EYA2: variants seen among roughly 807,000 people sequenced by gnomAD.
EYA2 encodes the protein EYA transcriptional coactivator and phosphatase 2.
Under a neutral mutation model 69.2 loss-of-function variants are expected in EYA2, and 31 were observed. That is an observed-to-expected ratio of 0.45 (90% CI 0.34 to 0.60). The LOEUF (loss-of-function observed/expected upper bound fraction) is 0.60. Among genes scored for constraint, EYA2 ranks in the 20% least tolerant of loss-of-function variants. EYA2 has a pLI of 0.02. For missense variants in EYA2, 622 were observed against 701.2 expected, an observed-to-expected ratio of 0.89 and a Z score of 1.28; for synonymous variants, 257 against 279.4, an observed-to-expected ratio of 0.92 and a Z score of 0.80.
At chr20:46,991,967 T>TAA (rs1981691017) in intron 2 of EYA2, among the ~76,000 whole-genome samples, 2 of 8,202 alleles carry the variant, frequency 2.4e-4, no homozygotes, top group Admixed American at 1.1e-3. Context: ...AGACTCCGTC[T>TAA]CAAAAAAAAA....
intron 1 of EYA2, among the ~76,000 whole-genome samples, chr20:46,988,966 A>G (rs1423822599): frequency 6.6e-6 from 1 of 151,986 alleles, no homozygotes; most frequent in African/African-American, 2.4e-5. Flanking sequence ...TCAGCCTCCC[A>G]AAGTGCTGGA....
In EYA2 at chr20:47,067,370, T is replaced by C. The variant is rs141102805; in HGVS notation, c.416-4815T>C. Reference sequence around the variant, plus strand: ...CTGCTAAATGTGTCTGGGCAGGACATTGAGGATAGAGTGGGATTTTGTTGA... The same window carrying C: ...CTGCTAAATGTGTCTGGGCAGGACACTGAGGATAGAGTGGGATTTTGTTGA... On this transcript the variant is annotated intron_variant, in intron 5 of 15. Coordinates refer to ENST00000327619, the MANE Select transcript of EYA2 (RefSeq NM_005244.5). Among the ~76,000 whole-genome samples the C allele has an allele frequency of 3.0e-3, 454 of 152,186 alleles. 1 individual carries two copies. Among genetic ancestry groups the C allele is most frequent in the African/African-American group, 0.01 (427 of 41,530 alleles).
intron 1 of EYA2, among the ~76,000 whole-genome samples, chr20:46,918,095 C>T (rs961952685): frequency 6.6e-6 from 1 of 151,972 alleles, no homozygotes; most frequent in South Asian, 2.1e-4. Flanking sequence ...CCGAGGTGGG[C>T]GGATCCTGAG....
chr20:47,059,185 C>T lies in EYA2; in HGVS notation c.416-13000C>T, dbSNP rs149028718. On this transcript the variant is annotated intron_variant, in intron 5 of 15. Transcript: ENST00000327619. ...TGCAGGATGGTGAGCGGGGAGGGAC[C>T]GGCTTCTGAGGCTGTCCACATAGTT... is the stretch of plus-strand genomic sequence containing the variant. Among the ~76,000 whole-genome samples the T allele has an allele frequency of 3.8e-3, 578 of 152,216 alleles. 4 individuals are homozygous for T. Among genetic ancestry groups the T allele is most frequent in the Non-Finnish European group, 5.7e-3 (389 of 68,016 alleles).
At chr20:47,011,456 A>T (rs773706969) in intron 4 of EYA2, among the ~76,000 whole-genome samples, 2 of 152,060 alleles carry the variant, frequency 1.3e-5, no homozygotes, top group African/African-American at 2.4e-5. Flanking sequence ...CCACTGCAGT[A>T]TCTTTGCCCT....
intron 9 of EYA2, among the ~76,000 whole-genome samples, chr20:47,141,422 A>C (rs1340008733): frequency 6.6e-6 from 1 of 152,184 alleles, no homozygotes; most frequent in Non-Finnish European, 1.5e-5. Flanking sequence ...ATTGGTCTGG[A>C]GAGCAGCCTG....
intron 5 of EYA2, among the ~76,000 whole-genome samples, chr20:47,038,498 T>G (rs1984842603): frequency 6.6e-6 from 1 of 151,998 alleles, no homozygotes; most frequent in South Asian, 2.1e-4. Context: ...CTCAAATAAA[T>G]AAAAATATAA....
chr20:47,144,733 A>G (rs1271360610), intron 10 of EYA2, among the ~76,000 whole-genome samples: 1 of 152,246 alleles, frequency 6.6e-6, no homozygotes, highest in African/African-American at 2.4e-5. Context: ...GAGCAGAACT[A>G]GGTAGAAACT....
intron 5 of EYA2, among the ~76,000 whole-genome samples, chr20:47,062,520 G>C (rs573312457): frequency 7.2e-4 from 109 of 152,268 alleles, no homozygotes; most frequent in African/African-American, 2.5e-3. Flanking sequence ...AAACATGTTC[G>C]CTTCCCAAGG....
At chr20:47,064,106 T>C (rs2031016061) in intron 5 of EYA2, among the ~76,000 whole-genome samples, 1 of 152,124 alleles carries the variant, frequency 6.6e-6, no homozygotes, top group South Asian at 2.1e-4. Flanking sequence ...CAAGCATGCA[T>C]CACCATGCCC....
chr20:46,953,597 C>T (rs529428469), intron 1 of EYA2, among the ~76,000 whole-genome samples: 8 of 152,114 alleles, frequency 5.3e-5, no homozygotes, highest in East Asian at 1.9e-4. Flanking sequence ...TTCCTTATGG[C>T]GCTGTCCTGT....
chr20:46,978,483 G>C, intron 1 of EYA2: 1 of 485,436 alleles, frequency 2.1e-6, no homozygotes, highest in East Asian at 6.1e-5. Flanking sequence ...ATGTACAAAG[G>C]CCCTGTGGCA....
intron 5 of EYA2, among the ~76,000 whole-genome samples, chr20:47,061,735 C>G (rs1013470531): frequency 2.1e-4 from 32 of 152,206 alleles, no homozygotes; most frequent in African/African-American, 6.8e-4. Context: ...TGATCCTACG[C>G]TCATCTCATT....
At chr20:47,062,422 G>A (rs1325279730) in intron 5 of EYA2, among the ~76,000 whole-genome samples, 3 of 152,150 alleles carry the variant, frequency 2.0e-5, no homozygotes, top group Non-Finnish European at 4.4e-5. Context: ...CCCCGGTATC[G>A]CAGGCAGGCG....
At chr20:47,110,964 G>T (rs2032733020) in intron 9 of EYA2, among the ~76,000 whole-genome samples, 1 of 152,224 alleles carries the variant, frequency 6.6e-6, no homozygotes. Context: ...TTCAGACATT[G>T]CATCCATCCC....
At chr20:47,034,310 T>A (rs1984577120) in intron 5 of EYA2, among the ~76,000 whole-genome samples, 1 of 152,188 alleles carries the variant, frequency 6.6e-6, no homozygotes, top group East Asian at 1.9e-4. Context: ...ATTATACGGA[T>A]AGGGCTTAGG....
At chr20:47,079,353 G>A (rs1209393258) in intron 7 of EYA2, among the ~76,000 whole-genome samples, 2 of 152,196 alleles carry the variant, frequency 1.3e-5, no homozygotes, top group African/African-American at 4.8e-5. Flanking sequence ...GGTCAGCAGG[G>A]TTATAGTATT....
chr20:47,177,658 A>G (rs1015491017), intron 12 of EYA2, among the ~76,000 whole-genome samples: 2 of 152,376 alleles, frequency 1.3e-5, no homozygotes, highest in East Asian at 3.9e-4. Flanking sequence ...TCCAGATGAC[A>G]TAAGGCCCAG....
At chr20:47,123,522 A>G (rs1444667224) in intron 9 of EYA2, among the ~76,000 whole-genome samples, 1 of 152,120 alleles carries the variant, frequency 6.6e-6, no homozygotes. Context: ...TCTCCTTAAT[A>G]TTACCCTTTC....
Sources: gnomAD v4.1 joint callset for allele counts (sites outside exome capture counted in the v4.1 genomes callset) on GRCh38, gnomAD v4.1.1 for gene constraint, MANE v1.5 for transcripts, NCBI Gene and HGNC (gene_info 2026-07-23, HGNC 2026-07-21) for gene names.